Variants in HMCN1 observed in about 807,000 individuals in gnomAD.
HMCN1 encodes hemicentin 1.
A neutral mutation model predicts 625.9 loss-of-function variants in HMCN1; 321 were observed. The observed-to-expected ratio is 0.51, with a 90% CI of 0.47 to 0.56. The LOEUF (loss-of-function observed/expected upper bound fraction) is 0.56, where lower values mean the gene tolerates loss of function less well. Among genes scored for constraint, HMCN1 ranks in the 20% least tolerant of loss-of-function variants. HMCN1 has a pLI of 0.00. For missense variants in HMCN1, 6,588 were observed against 6,887.3 expected (o/e 0.96, Z 1.54); for synonymous variants, 2,425 against 2,417.6 (o/e 1.00, Z -0.09).
At chr1:185,826,530 A>G (rs928314337) in intron 1 of HMCN1, among the ~76,000 whole-genome samples, 1 of 152,138 alleles carries the variant, frequency 6.6e-6, no homozygotes, top group Non-Finnish European at 1.5e-5. Flanking sequence ...ACTGAGATGC[A>G]ATTTCTGAGC....
intron 4 of HMCN1, among the ~76,000 whole-genome samples, chr1:185,905,148 A>G (rs1384866042): frequency 6.6e-6 from 1 of 151,888 alleles, no homozygotes; most frequent in Admixed American, 6.6e-5. Context: ...GGACTGTGTC[A>G]CAATTGCACA....
At chr1:185,913,026 T>A (rs964706747) in intron 6 of HMCN1, among the ~76,000 whole-genome samples, 2 of 152,082 alleles carry the variant, frequency 1.3e-5, no homozygotes, top group Non-Finnish European at 2.9e-5. Flanking sequence ...GTTTTTTTTT[T>A]AAAGAATAAC....
Position 186,117,190 on chromosome 1 carries a change from A to T in HMCN1, c.11683+75A>T, listed in dbSNP as rs926807944. 6 of 1,556,270 alleles carry T rather than the reference A, an allele frequency of 3.9e-6. No homozygotes were observed. The African/African-American group carries it at 6.8e-5, about 18-fold the overall frequency. ...GTTATTCTACTACTTTACAAAAGGG[A>T]TCCCTTTTCTTTTTTTTTTTAAACA... On this transcript the variant is annotated intron_variant, in intron 76 of 106. Transcript: ENST00000271588.
chr1:185,889,173 T>C lies in HMCN1; in HGVS notation c.622-20164T>C, dbSNP rs1053150893. The stretch of plus-strand genomic sequence containing the variant: ...CACATTGATTTTGTATCCTGAGACT[T>C]TGCTGAAGTTGCTTATCAGCTTAAG... On this transcript the variant is annotated intron_variant, in intron 4 of 106. Transcript: ENST00000271588. Among the ~76,000 whole-genome samples the C allele has an allele frequency of 1.2e-4, 17 of 145,732 alleles. No homozygotes were observed. In the East Asian group the frequency reaches 2.3e-3, roughly 20 times the overall value.
intron 57 of HMCN1, among the ~76,000 whole-genome samples, chr1:186,085,547 G>C (rs1427369928): frequency 6.6e-6 from 1 of 151,984 alleles, no homozygotes; most frequent in Non-Finnish European, 1.5e-5. Context: ...TGGGACTTAG[G>C]GCTTCAACAC....
chr1:185,924,787 T>C (rs891584236), intron 8 of HMCN1, among the ~76,000 whole-genome samples: 3 of 152,164 alleles, frequency 2.0e-5, no homozygotes, highest in Non-Finnish European at 4.4e-5. Flanking sequence ...TACAAAAAAA[T>C]ACTATGTCTT....
At chr1:186,047,265 AAAG>A (rs546864238) in intron 41 of HMCN1, among the ~76,000 whole-genome samples, 30 of 152,170 alleles carry the variant, frequency 2.0e-4, no homozygotes, top group African/African-American at 5.8e-4. Flanking sequence ...ACACATGAAA[AAAG>A]AAGAAGAAGA....
At chr1:186,066,612 G>T (rs1472688800) in intron 49 of HMCN1, among the ~76,000 whole-genome samples, 1 of 152,072 alleles carries the variant, frequency 6.6e-6, no homozygotes, top group East Asian at 1.9e-4. Flanking sequence ...CTGAAAACAG[G>T]CTCTGTCTGA....
intron 45 of HMCN1, 150 bp from the exon 46 acceptor site, chr1:186,057,084 G>A: frequency 1.5e-6 from 1 of 660,286 alleles, no homozygotes; most frequent in South Asian, 1.7e-5. Context: ...TGTTGTGATT[G>A]CTTATTTTGC....
chr1:185,873,009 T>C (rs1047979363), intron 4 of HMCN1, among the ~76,000 whole-genome samples: 1 of 152,072 alleles, frequency 6.6e-6, no homozygotes, highest in African/African-American at 2.4e-5. Context: ...AAAAGAAGCT[T>C]ATATAATGCT....
chr1:185,984,744 T>C (rs1571664403), intron 19 of HMCN1, among the ~76,000 whole-genome samples: 1 of 152,200 alleles, frequency 6.6e-6, no homozygotes, highest in East Asian at 1.9e-4. Context: ...AAAGGTCACC[T>C]CATGTGCTCC....
intron 4 of HMCN1, among the ~76,000 whole-genome samples, chr1:185,881,023 C>T (rs984762769): frequency 2.0e-5 from 3 of 152,234 alleles, no homozygotes; most frequent in Non-Finnish European, 4.4e-5. Context: ...CCAGTGGTGT[C>T]TGCGACTCCC....
intron 30 of HMCN1, among the ~76,000 whole-genome samples, chr1:186,008,969 A>G (rs1653815195): frequency 6.6e-6 from 1 of 152,204 alleles, no homozygotes; most frequent in African/African-American, 2.4e-5. Context: ...TAAATCATTT[A>G]TATCTATAAA....
At chr1:185,893,383 A>C (rs78479097) in intron 4 of HMCN1, among the ~76,000 whole-genome samples, 2 of 152,218 alleles carry the variant, frequency 1.3e-5, no homozygotes, top group Non-Finnish European at 2.9e-5. Context: ...TCAGTGGCGT[A>C]TTATATAGGT....
intron 73 of HMCN1, among the ~76,000 whole-genome samples, 187 bp downstream of exon 73, chr1:186,114,310 G>A (rs1047045953): frequency 6.6e-6 from 1 of 152,134 alleles, no homozygotes; most frequent in Non-Finnish European, 1.5e-5. Context: ...AGGCTGGAGT[G>A]CAGTGGCATG....
intron 1 of HMCN1, among the ~76,000 whole-genome samples, chr1:185,797,336 C>T (rs1054174432): frequency 1.3e-5 from 2 of 152,140 alleles, no homozygotes; most frequent in African/African-American, 2.4e-5. Flanking sequence ...CTGGGTCTTG[C>T]TCTGTTGCCC....
intron 89 of HMCN1, 48 bp from the exon 90 acceptor site, chr1:186,144,125 A>T (rs908209019): frequency 6.5e-7 from 1 of 1,529,708 alleles, no homozygotes; most frequent in Non-Finnish European, 8.8e-7. Context: ...TTTGGTTTTA[A>T]ACAAACACGG....
chr1:186,014,065 C>T (rs750479363), intron 30 of HMCN1, among the ~76,000 whole-genome samples: 15 of 152,006 alleles, frequency 9.9e-5, no homozygotes, highest in Non-Finnish European at 1.8e-4. Context: ...CTACCTTAGC[C>T]GGGTTACCAA....
Position 186,119,257 on chromosome 1 carries a change from C to G in HMCN1, c.11915C>G (p.Ala3972Gly). Residue 3972 changes from alanine to glycine, a missense_variant, in exon 78 of 107, where the codon GCG becomes GGG. Ala to Gly is a moderately conservative substitution (Grantham distance 60). Coordinates refer to ENST00000271588, the MANE Select transcript of HMCN1 (RefSeq NM_031935.3). ...AGATACACTTGTGTCGCTAGGAATGCGGCTGGCTCTGCACATCGACACGTG... is the reference window on the plus strand; with the variant it reads ...AGATACACTTGTGTCGCTAGGAATGGGGCTGGCTCTGCACATCGACACGTG... ...AGRYTCVARN[A>G]AGSAHRHVTL... 1.2e-6 allele frequency: 2 copies of G among 1,613,828 alleles called. No homozygotes were observed. Among genetic ancestry groups the G allele is most frequent in the Non-Finnish European group, 1.7e-6 (2 of 1,179,788 alleles).
Sources: gnomAD v4.1 joint callset for allele counts (sites outside exome capture counted in the v4.1 genomes callset) on GRCh38, gnomAD v4.1.1 for gene constraint, MANE v1.5 for transcripts, NCBI Gene and HGNC (gene_info 2026-07-23, HGNC 2026-07-21) for gene names.